DTNA: variants seen among roughly 807,000 people sequenced by gnomAD.
DTNA encodes the protein dystrophin-related protein 3.
In DTNA, 43 loss-of-function variants were observed where a neutral mutation model predicts 100.7. That is an observed-to-expected ratio of 0.43 (90% CI 0.33 to 0.55). DTNA has a LOEUF of 0.55. Among genes scored for constraint, DTNA ranks in the 20% least tolerant of loss-of-function variants. The pLI is 0.04. For synonymous variants in DTNA, 349 were observed against 347.9 expected (o/e 1.00, Z -0.04); for missense variants, 798 against 953.9 (o/e 0.84, Z 2.15).
Position 34,875,260 on chromosome 18 carries a change from C to T in DTNA, c.1765C>T (p.Arg589Cys), listed in dbSNP as rs764722995. 8.1e-6 allele frequency: 13 copies of T among 1,613,910 alleles called. No homozygotes were observed. The highest frequency in any genetic ancestry group is 7.7e-5 in the South Asian group (7 of 91,078). The change falls in exon 18 of 23, where the codon CGC becomes TGC. Residue 589 changes from arginine to cysteine, a missense_variant. Transcript: ENST00000444659. ...CCAGACTCAGGGGGCAGGCTCTCCC[C>T]GCTCCTCCCCCAGCCACACCATCAG... ...LLKTQGAGSP[R>C]SSPSHTISRP...
intron 1 of DTNA, among the ~76,000 whole-genome samples, chr18:34,544,153 C>A (rs2044526751): frequency 6.6e-6 from 1 of 152,054 alleles, no homozygotes; most frequent in African/African-American, 2.4e-5. Context: ...TGGAAGCCAT[C>A]ATCTGTGGCA....
At chr18:34,648,044 G>C (rs1367730314) in intron 1 of DTNA, among the ~76,000 whole-genome samples, 1 of 152,212 alleles carries the variant, frequency 6.6e-6, no homozygotes, top group Admixed American at 6.5e-5. Context: ...CTGACTAGGA[G>C]TTAGCAAAAA....
chr18:34,529,145 G>C (rs1259052929), intron 1 of DTNA, among the ~76,000 whole-genome samples: 2 of 152,030 alleles, frequency 1.3e-5, no homozygotes, highest in Admixed American at 6.6e-5. Flanking sequence ...AATCCAACTT[G>C]TTTGAGCAAC....
At chr18:34,654,691 C>CA (rs2074099184) in intron 1 of DTNA, among the ~76,000 whole-genome samples, 18 of 152,032 alleles carry the variant, frequency 1.2e-4, no homozygotes, top group Admixed American at 9.2e-4. Flanking sequence ...CTATGTTCCA[C>CA]TATGTATGTG....
At chr18:34,738,121 G>A (rs545334383) in intron 1 of DTNA, among the ~76,000 whole-genome samples, 1 of 152,124 alleles carries the variant, frequency 6.6e-6, no homozygotes, top group Non-Finnish European at 1.5e-5. Context: ...CAGAAGCAAA[G>A]GCCCTGAGGC....
intron 1 of DTNA, among the ~76,000 whole-genome samples, chr18:34,607,943 T>C (rs935943387): frequency 6.6e-6 from 1 of 152,126 alleles, no homozygotes; most frequent in Non-Finnish European, 1.5e-5. Flanking sequence ...ATAGATACAG[T>C]AGTGAAATGC....
In DTNA at chr18:34,875,168, A is replaced by T. The variant is rs1198620990; in HGVS notation, c.1744-71A>T. On this transcript the variant is annotated intron_variant, in intron 17 of 22. Transcript: ENST00000444659. ...TCATTGTCACTGTTTTCAACAATCA[A>T]CTGAGGCATTGGGGATGACATATGA... 3.2e-6 allele frequency: 5 copies of T among 1,582,820 alleles called. No homozygotes were observed. In the East Asian group the frequency reaches 1.1e-4, roughly 36 times the overall value.
chr18:34,617,653 A>C (rs1210159642), intron 1 of DTNA, among the ~76,000 whole-genome samples: 3 of 152,148 alleles, frequency 2.0e-5, no homozygotes, highest in Non-Finnish European at 4.4e-5. Flanking sequence ...GAATTAGGGA[A>C]GAGTTCCCCC....
At chr18:34,622,826 C>T (rs1038278866) in intron 1 of DTNA, among the ~76,000 whole-genome samples, 3 of 152,136 alleles carry the variant, frequency 2.0e-5, no homozygotes, top group Admixed American at 6.6e-5. Context: ...CTGAGGCCCT[C>T]GGATTGGGCT....
chr18:34,772,865 C>T (rs1273876170), intron 3 of DTNA, among the ~76,000 whole-genome samples: 1 of 152,242 alleles, frequency 6.6e-6, no homozygotes, highest in Non-Finnish European at 1.5e-5. Context: ...CTGTGATTCT[C>T]ATGTTGGGAT....
chr18:34,782,942 G>A (rs1198024327), intron 3 of DTNA, among the ~76,000 whole-genome samples: 2 of 152,124 alleles, frequency 1.3e-5, no homozygotes, highest in Non-Finnish European at 2.9e-5. Context: ...CCTAGATTAG[G>A]GCACTAGAAT....
At chr18:34,716,191 A>AAC (rs1353537938) in intron 1 of DTNA, among the ~76,000 whole-genome samples, 1 of 152,242 alleles carries the variant, frequency 6.6e-6, no homozygotes, top group Admixed American at 6.5e-5. Context: ...TGTTTCAGAC[A>AAC]ATAGCAGTCT....
At chr18:34,645,950 G>A (rs930942504) in intron 1 of DTNA, among the ~76,000 whole-genome samples, 5 of 152,052 alleles carry the variant, frequency 3.3e-5, no homozygotes, top group Non-Finnish European at 5.9e-5. Context: ...AGAAACAGAG[G>A]TAAAGACATA....
intron 1 of DTNA, among the ~76,000 whole-genome samples, chr18:34,617,838 G>A (rs947709143): frequency 6.6e-6 from 1 of 152,126 alleles, no homozygotes; most frequent in Non-Finnish European, 1.5e-5. Flanking sequence ...TAACTTTTGT[G>A]TGCACTGGGA....
intron 3 of DTNA, among the ~76,000 whole-genome samples, chr18:34,786,956 C>T (rs187801313): frequency 5.3e-5 from 8 of 152,176 alleles, no homozygotes; most frequent in Admixed American, 4.6e-4. Flanking sequence ...CTTCAAGAAG[C>T]GCTTCTTATA....
chr18:34,867,723 G>C, intron 17 of DTNA: 4 of 985,654 alleles, frequency 4.1e-6, no homozygotes, highest in Non-Finnish European at 4.8e-6. Context: ...GATCTTGAAA[G>C]GCTCCTATGG....
chr18:34,574,142 A>T (rs1398801189), intron 1 of DTNA: 1 of 152,348 alleles, frequency 6.6e-6, no homozygotes, highest in East Asian at 1.9e-4. Context: ...CCATGGCCAG[A>T]CATAGCCCCC....
rs911447823 is a variant in DTNA at position 34,890,514 on chromosome 18, G to A, written c.*2780G>A. 2.0e-6 allele frequency: 3 copies of A among 1,528,946 alleles called. No individual in the cohort carries two copies. The highest frequency in any genetic ancestry group is 1.4e-5 in the African/African-American group (1 of 72,576). The allele number at this position is 1,528,946 out of a possible 1,614,324, so 94.7% of individuals were successfully genotyped here. ...ATCTTGCGGGGGTTGTTTCTTTCTTGTTCCACAATGAATTGCACATCCATC... is the reference window on the plus strand; with the variant it reads ...ATCTTGCGGGGGTTGTTTCTTTCTTATTCCACAATGAATTGCACATCCATC... On this transcript the variant is annotated 3_prime_UTR_variant, in exon 23 of 23. Transcript: ENST00000444659.
chr18:34,695,250 T>C (rs73416441), intron 1 of DTNA, among the ~76,000 whole-genome samples: 3,713 of 152,278 alleles, frequency 0.024, 177 homozygotes, highest in African/African-American at 0.085. Context: ...CCATATCGTC[T>C]AACCCTGGGG....
Sources: gnomAD v4.1 joint callset for allele counts (sites outside exome capture counted in the v4.1 genomes callset) on GRCh38, gnomAD v4.1.1 for gene constraint, MANE v1.5 for transcripts, NCBI Gene and HGNC (gene_info 2026-07-23, HGNC 2026-07-21) for gene names.